The following LGR4 variants were observed in gnomAD, a reference collection of about 807,000 sequenced individuals.
LGR4 encodes leucine rich repeat containing G protein-coupled receptor 4, also known as leucine-rich repeat-containing G protein-coupled receptor 4.
In LGR4, 44 loss-of-function variants were observed where a neutral mutation model predicts 84.8. The observed-to-expected ratio is 0.52, with a 90% CI of 0.41 to 0.67. The LOEUF (loss-of-function observed/expected upper bound fraction) is 0.67. LGR4 is among the 30% of genes least tolerant of loss of function. LGR4 has a pLI of 0.00. For missense variants in LGR4, 1,032 were observed against 1,131.4 expected, an observed-to-expected ratio of 0.91 and a Z score of 1.26; for synonymous variants, 429 against 434.3, an observed-to-expected ratio of 0.99 and a Z score of 0.15.
rs757925752 is a variant in LGR4 at position 27,368,856 on chromosome 11, A to G, written c.1867T>C (p.Phe623Leu). Residue 623 changes from phenylalanine to leucine, a missense_variant, in exon 18 of 18, where the codon TTT becomes CTT. Transcript: ENST00000379214. ...ETGSGCKVAGFLAVFSSESAI... is the reference protein window; with the variant it reads ...ETGSGCKVAGLLAVFSSESAI... ...CTTTCTGAGGAGAAAACTGCAAGAA[A>G]CCCAGCTACTTTGCAGCCACTGCCA... 1 of 1,614,132 alleles carries G rather than the reference A, an allele frequency of 6.2e-7. No homozygotes were observed. Among genetic ancestry groups the G allele is most frequent in the South Asian group, 1.1e-5 (1 of 91,074 alleles).
Position 27,472,515 on chromosome 11 carries a change from C to A in LGR4, c.-213G>T. ...TTCGCCCTTCCCGCTGCTCCATGGA[C>A]GCGCAGAGGCAGCCCCGCTCCTCCG... On this transcript the variant is annotated 5_prime_UTR_variant, in exon 1 of 18. Transcript: ENST00000379214. 2.6e-6 allele frequency: 1 copy of A among 390,432 alleles called. No homozygotes were observed. The highest frequency in any genetic ancestry group is 4.5e-6 in the Non-Finnish European group (1 of 222,242). 24.2% of individuals were successfully genotyped at this position (390,432 alleles called of 1,614,324 possible).
intron 17 of LGR4, among the ~76,000 whole-genome samples, chr11:27,370,414 C>A (rs78871767): frequency 6.6e-6 from 1 of 152,254 alleles, no homozygotes; most frequent in Non-Finnish European, 1.5e-5. Flanking sequence ...TTTTGAGAAC[C>A]CTTTTATGGG....
intron 2 of LGR4, among the ~76,000 whole-genome samples, chr11:27,408,868 G>A (rs959184279): frequency 2.6e-5 from 4 of 151,970 alleles, no homozygotes; most frequent in African/African-American, 7.3e-5. Context: ...TTTCCTTTAC[G>A]GTAGTTCTGT....
At chr11:27,402,152 T>C (rs1439207019) in intron 2 of LGR4, among the ~76,000 whole-genome samples, 2 of 152,168 alleles carry the variant, frequency 1.3e-5, no homozygotes, top group African/African-American at 2.4e-5. Context: ...CTCAGCTCCA[T>C]GAGTAAATAC....
chr11:27,448,336 A>C (rs1864427197), intron 1 of LGR4, among the ~76,000 whole-genome samples: 1 of 146,768 alleles, frequency 6.8e-6, no homozygotes, highest in Non-Finnish European at 1.5e-5. Context: ...CTTGTTGCCC[A>C]GGCTGGAGTG....
At chr11:27,404,492 C>A (rs1863564698) in intron 2 of LGR4, among the ~76,000 whole-genome samples, 1 of 152,170 alleles carries the variant, frequency 6.6e-6, no homozygotes, top group East Asian at 1.9e-4. Context: ...AAATGTTTCC[C>A]ACAGTATGCC....
intron 15 of LGR4, chr11:27,373,287 A>G (rs942586561): frequency 7.3e-6 from 2 of 273,976 alleles, no homozygotes; most frequent in African/African-American, 4.4e-5. Flanking sequence ...TTGCTAATGA[A>G]AAGTCCACTG....
intron 6 of LGR4, 162 bp downstream of exon 6, chr11:27,384,174 A>G (rs1863146909): frequency 1.8e-6 from 1 of 566,604 alleles, no homozygotes; most frequent in African/African-American, 1.9e-5. Context: ...TTAGATTAGT[A>G]TTCATAATTA....
At chr11:27,453,142 C>T (rs1590405980) in intron 1 of LGR4, among the ~76,000 whole-genome samples, 2 of 152,006 alleles carry the variant, frequency 1.3e-5, no homozygotes, top group Admixed American at 1.3e-4. Flanking sequence ...GATCTCAGCT[C>T]ACCACAACCT....
chr11:27,463,087 A>T (rs1411134356), intron 1 of LGR4, among the ~76,000 whole-genome samples: 2 of 150,578 alleles, frequency 1.3e-5, no homozygotes, highest in African/African-American at 4.9e-5. Flanking sequence ...AAAAAAAAAA[A>T]AAAAAAATAC....
chr11:27,371,582 A>C, intron 17 of LGR4, 33 bp downstream of exon 17: 2 of 1,447,336 alleles, frequency 1.4e-6, no homozygotes, highest in Middle Eastern at 1.8e-4. Flanking sequence ...TTTGTTTAAC[A>C]TGGGTAACTG....
At chr11:27,398,061 T>C (rs1318139853) in intron 2 of LGR4, among the ~76,000 whole-genome samples, 3 of 152,236 alleles carry the variant, frequency 2.0e-5, no homozygotes, top group Non-Finnish European at 4.4e-5. Flanking sequence ...TTATTATTCA[T>C]AAAGACCATG....
At chr11:27,470,073 G>A (rs1011949379) in intron 1 of LGR4, among the ~76,000 whole-genome samples, 2 of 152,158 alleles carry the variant, frequency 1.3e-5, no homozygotes, top group African/African-American at 4.8e-5. Context: ...CAGAATGTAC[G>A]ATCACTCTAC....
chr11:27,424,511 C>T (rs1351100996), intron 1 of LGR4, among the ~76,000 whole-genome samples: 1 of 152,104 alleles, frequency 6.6e-6, no homozygotes, highest in Non-Finnish European at 1.5e-5. Flanking sequence ...CTAATTCTCC[C>T]AGGCCCAGAT....
chr11:27,382,815 G>A (rs867710639), intron 6 of LGR4, among the ~76,000 whole-genome samples: 1 of 152,116 alleles, frequency 6.6e-6, no homozygotes, highest in Non-Finnish European at 1.5e-5. Flanking sequence ...TCAAGAGATC[G>A]AGACCATCCT....
At chr11:27,417,075 C>T (rs992199550) in intron 1 of LGR4, among the ~76,000 whole-genome samples, 4 of 152,064 alleles carry the variant, frequency 2.6e-5, no homozygotes, top group African/African-American at 7.2e-5. Context: ...TTAAATATAC[C>T]GTGATTGACC....
chr11:27,410,340 T>C (rs1469553181), intron 2 of LGR4, among the ~76,000 whole-genome samples: 2 of 152,246 alleles, frequency 1.3e-5, no homozygotes, highest in Middle Eastern at 3.4e-3. Context: ...TTTCTCCCAA[T>C]ACCCCAAGCA....
intron 2 of LGR4, among the ~76,000 whole-genome samples, chr11:27,395,354 TA>T (rs34634648): frequency 0.035 from 4,983 of 142,716 alleles, 219 homozygotes; most frequent in African/African-American, 0.11. Flanking sequence ...GCTGGGCTCA[TA>T]AAAAAAAAAA....
chr11:27,376,319 G>C lies in LGR4; in HGVS notation c.1161C>G (p.Gly387=), dbSNP rs868750016. The change falls in exon 13 of 18, where the codon GGC becomes GGG. Residue 387 remains glycine, a synonymous_variant. Transcript: ENST00000379214. ...CTTACAGAATCCTTAGAGATATCAG[G>C]CCTTGAAAGGTGCCTTCCTTTATTT... is the stretch of plus-strand genomic sequence containing the variant. ...IYQIKEGTFQ[G]LISLRILDLS... is the part of the protein sequence containing the mutation. 6.3e-7 allele frequency: 1 copy of C among 1,580,790 alleles called. No homozygotes were observed. The highest frequency in any genetic ancestry group is 8.7e-7 in the Non-Finnish European group (1 of 1,155,364).
Sources: gnomAD v4.1 joint callset for allele counts (sites outside exome capture counted in the v4.1 genomes callset) on GRCh38, gnomAD v4.1.1 for gene constraint, MANE v1.5 for transcripts, NCBI Gene and HGNC (gene_info 2026-07-23, HGNC 2026-07-21) for gene names.